VAV2: variants seen among roughly 807,000 people sequenced by gnomAD.
The protein encoded by VAV2 is vav guanine nucleotide exchange factor 2.
In VAV2, 67 loss-of-function variants were observed where a neutral mutation model predicts 132.5. That is an observed-to-expected ratio of 0.51 (90% CI 0.42 to 0.62). The LOEUF (loss-of-function observed/expected upper bound fraction) is 0.62. VAV2 is among the 20% of genes least tolerant of loss of function. The probability of loss-of-function intolerance (pLI) is 0.00; values close to 1 mark genes in which losing one functional copy is unlikely to be tolerated. For missense variants in VAV2, 938 were observed against 1,153.6 expected (o/e 0.81, Z 2.71); for synonymous variants, 492 against 443.5 (o/e 1.11, Z -1.37).
chr9:133,914,625 G>A (rs1839993587), intron 2 of VAV2, among the ~76,000 whole-genome samples: 1 of 82,778 alleles, frequency 1.2e-5, no homozygotes, highest in African/African-American at 5.5e-5. Context: ...AGAGAGGAGG[G>A]GGAGAGGAGG....
chr9:133,867,224 A>T (rs139292375), intron 2 of VAV2, among the ~76,000 whole-genome samples: 3 of 152,200 alleles, frequency 2.0e-5, no homozygotes, highest in Admixed American at 1.3e-4. Flanking sequence ...GGGCAGGCCA[A>T]GGCCAGCATC....
At position 133,770,369 on chromosome 9, in the gene VAV2, G is replaced by T. The variant is rs1402319248; in HGVS notation, c.2347+9C>A. 1 of 1,613,870 alleles carries T rather than the reference G, an allele frequency of 6.2e-7. No homozygotes were observed. Among genetic ancestry groups the T allele is most frequent in the Non-Finnish European group, 8.5e-7 (1 of 1,179,862 alleles). On this transcript the variant is annotated intron_variant, in intron 27 of 29. Transcript: ENST00000371850. ...GAGTGCTGGTGTGCCGGCTGGGCCG[G>T]GGCGTTACCTGGGGACCGGCTGGAG...
intron 1 of VAV2, among the ~76,000 whole-genome samples, chr9:133,957,573 T>C (rs531194025): frequency 6.6e-6 from 1 of 152,046 alleles, no homozygotes; most frequent in Non-Finnish European, 1.5e-5. Context: ...GCCAGGGACA[T>C]GCGGGCCTGG....
At chr9:133,861,536 A>G (rs1013405983) in intron 2 of VAV2, 104 bp from the exon 3 acceptor site, 5 of 1,256,510 alleles carry the variant, frequency 4.0e-6, no homozygotes, top group Non-Finnish European at 5.5e-6. Context: ...CTGTTAACTG[A>G]GCACATCGCA....
chr9:133,981,953 A>G (rs1842707988), intron 1 of VAV2, among the ~76,000 whole-genome samples: 1 of 152,240 alleles, frequency 6.6e-6, no homozygotes, highest in Admixed American at 6.5e-5. Flanking sequence ...CTTTGCTCTT[A>G]CTGAGCACTT....
At chr9:133,989,428 G>A (rs1443735391) in intron 1 of VAV2, among the ~76,000 whole-genome samples, 1 of 151,500 alleles carries the variant, frequency 6.6e-6, no homozygotes, top group Non-Finnish European at 1.5e-5. Flanking sequence ...GATGAGGCAG[G>A]AGAATTGCTT....
At chr9:133,766,759 A>AATAAATAAAT (rs1554767605) in intron 29 of VAV2, among the ~76,000 whole-genome samples, 12 of 112,110 alleles carry the variant, frequency 1.1e-4, no homozygotes, top group Non-Finnish European at 2.0e-4. Flanking sequence ...AGTATAAATA[A>AATAAATAAAT]ATATATATAT....
chr9:133,922,765 G>C (rs1259020760), intron 2 of VAV2, among the ~76,000 whole-genome samples: 2 of 152,092 alleles, frequency 1.3e-5, no homozygotes, highest in Non-Finnish European at 2.9e-5. Flanking sequence ...CAAAAACATA[G>C]GGGAAAAGTT....
At chr9:133,888,024 G>A (rs1838782695) in intron 2 of VAV2, among the ~76,000 whole-genome samples, 1 of 152,238 alleles carries the variant, frequency 6.6e-6, no homozygotes, top group Non-Finnish European at 1.5e-5. Flanking sequence ...GGTAGACCCT[G>A]CCCAGGAGCA....
intron 16 of VAV2, 75 bp downstream of exon 16, chr9:133,787,171 G>A: frequency 6.9e-7 from 1 of 1,446,028 alleles, no homozygotes; most frequent in Non-Finnish European, 9.2e-7. Flanking sequence ...TGGGTCCCCT[G>A]GCTCCGGGCA....
At chr9:133,813,716 G>C (rs1355988518) in intron 4 of VAV2, among the ~76,000 whole-genome samples, 2 of 152,224 alleles carry the variant, frequency 1.3e-5, no homozygotes, top group African/African-American at 4.8e-5. Context: ...CACTACAGTC[G>C]TGAGTGAGGT....
At chr9:133,852,203 C>T (rs558188879) in intron 3 of VAV2, among the ~76,000 whole-genome samples, 1 of 151,642 alleles carries the variant, frequency 6.6e-6, no homozygotes, top group Non-Finnish European at 1.5e-5. Flanking sequence ...GATGGACAGA[C>T]TGATGAATAG....
intron 2 of VAV2, among the ~76,000 whole-genome samples, chr9:133,932,597 C>G (rs1456739175): frequency 6.6e-6 from 1 of 152,204 alleles, no homozygotes; most frequent in Non-Finnish European, 1.5e-5. Flanking sequence ...TCACCGAGTC[C>G]TTTACAGCAA....
intron 2 of VAV2, among the ~76,000 whole-genome samples, chr9:133,878,012 G>A (rs1375331507): frequency 6.6e-6 from 1 of 152,140 alleles, no homozygotes; most frequent in Non-Finnish European, 1.5e-5. Flanking sequence ...AAAGCACTTG[G>A]CCCCCCGACA....
chr9:133,887,747 C>T (rs1276243279), intron 2 of VAV2, among the ~76,000 whole-genome samples: 3 of 152,104 alleles, frequency 2.0e-5, no homozygotes, highest in Admixed American at 6.5e-5. Context: ...CCTGACACGG[C>T]GATCAGCGAG....
At chr9:133,789,116 AACTGAACAAC>A in intron 14 of VAV2, 132 bp downstream of exon 14, 1 of 889,008 alleles carries the variant, frequency 1.1e-6, no homozygotes, top group Non-Finnish European at 1.7e-6. Context: ...AAGCAATTAA[AACTGAACAAC>A]ACAAAGCCAC....
At chr9:133,939,246 A>G in intron 1 of VAV2, 27 bp from the exon 2 acceptor site, 2 of 1,597,166 alleles carry the variant, frequency 1.3e-6, no homozygotes, top group Non-Finnish European at 1.7e-6. Context: ...AAGGGAGGGC[A>G]AGGAAAAACT....
intron 5 of VAV2, 45 bp downstream of exon 5, chr9:133,812,069 C>A: frequency 6.3e-7 from 1 of 1,589,268 alleles, no homozygotes; most frequent in Non-Finnish European, 8.6e-7. Flanking sequence ...GGCTGCTCTG[C>A]GAGGGAAGGG....
intron 2 of VAV2, among the ~76,000 whole-genome samples, chr9:133,903,412 C>G (rs917175295): frequency 6.6e-6 from 1 of 152,190 alleles, no homozygotes; most frequent in Admixed American, 6.5e-5. Context: ...TGAGGGCGTG[C>G]CAGGTCTGCC....
Sources: allele counts gnomAD v4.1 joint callset (sites outside exome capture counted in the v4.1 genomes callset), GRCh38; gene constraint gnomAD v4.1.1; transcripts MANE v1.5; gene names NCBI Gene and HGNC (gene_info 2026-07-23, HGNC 2026-07-21).